Variants in FER observed in about 807,000 individuals in gnomAD.
FER encodes the protein tyrosine-protein kinase Fer.
FER carries 63 observed loss-of-function variants against 111.0 expected under a neutral mutation model. The ratio of observed to expected loss-of-function variants is 0.57; its 90% CI spans 0.46 to 0.70. FER has a LOEUF of 0.70. Among genes scored for constraint, FER ranks in the 30% least tolerant of loss-of-function variants. The probability of loss-of-function intolerance (pLI) is 0.00; values close to 1 mark genes in which losing one functional copy is unlikely to be tolerated. For synonymous variants in FER, 327 were observed against 313.9 expected (o/e 1.04, Z -0.44); for missense variants, 914 against 954.0 (o/e 0.96, Z 0.55).
At chr5:108,872,653 TTA>T (rs1764710036) in intron 8 of FER, among the ~76,000 whole-genome samples, 1 of 152,138 alleles carries the variant, frequency 6.6e-6, no homozygotes, top group Non-Finnish European at 1.5e-5. Flanking sequence ...ATGTCTTCTG[TTA>T]TAGGCTGTTA....
chr5:108,874,779 C>G (rs1391360348), intron 8 of FER, among the ~76,000 whole-genome samples: 1 of 151,648 alleles, frequency 6.6e-6, no homozygotes, highest in Non-Finnish European at 1.5e-5. Flanking sequence ...ATACAAATTA[C>G]CAATAGTACT....
At chr5:108,918,453 T>C (rs1752549379) in intron 10 of FER, among the ~76,000 whole-genome samples, 1 of 152,006 alleles carries the variant, frequency 6.6e-6, no homozygotes, top group Non-Finnish European at 1.5e-5. Flanking sequence ...TAATCTAGAC[T>C]TAGAATAATG....
intron 5 of FER, among the ~76,000 whole-genome samples, chr5:108,858,159 T>C (rs1019761848): frequency 7.2e-5 from 11 of 152,226 alleles, no homozygotes; most frequent in East Asian, 1.9e-4. Context: ...GGGGTTCACA[T>C]TGATACTTCA....
intron 8 of FER, among the ~76,000 whole-genome samples, chr5:108,875,111 C>G (rs1315866786): frequency 2.0e-5 from 3 of 152,102 alleles, no homozygotes; most frequent in African/African-American, 7.2e-5. Flanking sequence ...ATTTATCTAT[C>G]AGCCATATTT....
At chr5:108,895,394 A>C (rs1474072076) in intron 9 of FER, among the ~76,000 whole-genome samples, 1 of 152,184 alleles carries the variant, frequency 6.6e-6, no homozygotes, top group Non-Finnish European at 1.5e-5. Context: ...TGGAGGTCAC[A>C]AGTCAGAAAT....
rs544798001 is a variant in FER at position 109,056,881 on chromosome 5, C to T, written c.1924+9683C>T. 2.9e-4 allele frequency among the ~76,000 whole-genome samples: 44 copies of T among 152,048 alleles called. No homozygotes were observed. In the East Asian group the frequency reaches 4.1e-3, roughly 14 times the overall value. On this transcript the variant is annotated intron_variant, in intron 16 of 19. Transcript: ENST00000281092. ...GTCTTAAAATCAGGTAGTATTAGTC[C>T]GGTTTATTCTTCTTTTTCAGATTCT... is the stretch of plus-strand genomic sequence containing the variant.
intron 17 of FER, among the ~76,000 whole-genome samples, chr5:109,153,988 G>T (rs576357732): frequency 3.3e-5 from 5 of 151,716 alleles, no homozygotes. Context: ...TATTCTCAGC[G>T]ATCTTTCTCA....
At chr5:109,157,918 C>T (rs1309210165) in intron 17 of FER, among the ~76,000 whole-genome samples, 2 of 152,102 alleles carry the variant, frequency 1.3e-5, no homozygotes, top group Non-Finnish European at 2.9e-5. Context: ...GCTATGATTA[C>T]TATTCAGTGA....
intron 2 of FER, among the ~76,000 whole-genome samples, chr5:108,778,524 T>A (rs1443994569): frequency 6.6e-6 from 1 of 152,224 alleles, no homozygotes; most frequent in Non-Finnish European, 1.5e-5. Context: ...TTGGCTGTTC[T>A]GATAAATGTG....
chr5:109,001,871 A>G (rs975372351), intron 13 of FER, among the ~76,000 whole-genome samples: 2 of 152,050 alleles, frequency 1.3e-5, no homozygotes, highest in Non-Finnish European at 2.9e-5. Context: ...TCATGAGTGA[A>G]CTCCCATTCA....
At chr5:109,117,084 T>A (rs1456702816) in intron 17 of FER, among the ~76,000 whole-genome samples, 1 of 152,178 alleles carries the variant, frequency 6.6e-6, no homozygotes, top group Non-Finnish European at 1.5e-5. Flanking sequence ...AGGGACTTTG[T>A]TGGCACTACT....
chr5:108,949,824 A>G (rs1342004120), intron 11 of FER, among the ~76,000 whole-genome samples: 1 of 151,828 alleles, frequency 6.6e-6, no homozygotes, highest in Non-Finnish European at 1.5e-5. Context: ...TTTTATATGT[A>G]AAATATATGG....
At chr5:109,089,708 A>G (rs1777951006) in intron 16 of FER, among the ~76,000 whole-genome samples, 1 of 152,232 alleles carries the variant, frequency 6.6e-6, no homozygotes, top group Non-Finnish European at 1.5e-5. Flanking sequence ...TTACTAAGCC[A>G]GCATAGCTTA....
intron 10 of FER, among the ~76,000 whole-genome samples, chr5:108,938,963 G>C (rs575739437): frequency 6.6e-6 from 1 of 152,132 alleles, no homozygotes; most frequent in East Asian, 1.9e-4. Flanking sequence ...GATGCAAATA[G>C]TAATACATTA....
At chr5:109,149,183 AGAT>A (rs768241488) in intron 17 of FER, among the ~76,000 whole-genome samples, 14 of 152,208 alleles carry the variant, frequency 9.2e-5, no homozygotes, top group Non-Finnish European at 1.8e-4. Flanking sequence ...CGTTATTTAA[AGAT>A]GATGATTTAA....
At chr5:109,033,949 A>T (rs556125361) in intron 13 of FER, among the ~76,000 whole-genome samples, 14 of 152,282 alleles carry the variant, frequency 9.2e-5, no homozygotes, top group Admixed American at 4.6e-4. Context: ...AAGCTAACTA[A>T]CATATCCATC....
intron 17 of FER, among the ~76,000 whole-genome samples, chr5:109,117,820 G>A (rs1026164762): frequency 1.3e-5 from 2 of 151,414 alleles, no homozygotes; most frequent in Non-Finnish European, 2.9e-5. Context: ...GTCTGTTATT[G>A]GTGTATAAGA....
rs576933615 is a variant in FER at position 108,762,469 on chromosome 5, A to G, written c.-205-5624A>G. ...TGCATGATTCCTAAAAAGTCTCCCCACTACTACTGTTGCTCTAAATAAATA... is the reference window on the plus strand; with the variant it reads ...TGCATGATTCCTAAAAAGTCTCCCCGCTACTACTGTTGCTCTAAATAAATA... On this transcript the variant is annotated intron_variant, in intron 1 of 19. Coordinates refer to ENST00000281092, the MANE Select transcript of FER (RefSeq NM_005246.4). Among the ~76,000 whole-genome samples, 12 of 152,200 alleles carry G rather than the reference A, an allele frequency of 7.9e-5. No homozygotes were observed. In the South Asian group the frequency reaches 2.5e-3, roughly 32 times the overall value.
At chr5:109,174,081 G>A (rs78840733) in intron 17 of FER, among the ~76,000 whole-genome samples, 1,651 of 152,232 alleles carry the variant, frequency 0.011, 34 homozygotes, top group African/African-American at 0.037. Flanking sequence ...TACAGCTGCA[G>A]GCTTCCTTTG....
Sources: gnomAD v4.1 joint callset for allele counts (sites outside exome capture counted in the v4.1 genomes callset) on GRCh38, gnomAD v4.1.1 for gene constraint, MANE v1.5 for transcripts, NCBI Gene and HGNC (gene_info 2026-07-23, HGNC 2026-07-21) for gene names.